The following ADAMTS17 variants were observed in gnomAD, a reference collection of about 807,000 sequenced individuals.
ADAMTS17 encodes A disintegrin and metalloproteinase with thrombospondin motifs 17.
ADAMTS17 carries 113 observed loss-of-function variants against 141.5 expected under a neutral mutation model. The observed-to-expected ratio is 0.80, with a 90% CI of 0.69 to 0.93. The LOEUF is 0.93. ADAMTS17 is among the 40% of genes least tolerant of loss of function. ADAMTS17 has a pLI of 0.00. For synonymous variants in ADAMTS17, 768 were observed against 630.6 expected, an observed-to-expected ratio of 1.22 and a Z score of -3.27; for missense variants, 1,659 against 1,517.9, an observed-to-expected ratio of 1.09 and a Z score of -1.54.
intron 7 of ADAMTS17, among the ~76,000 whole-genome samples, chr15:100,205,635 A>G (rs957153306): frequency 3.3e-5 from 5 of 152,274 alleles, no homozygotes; most frequent in African/African-American, 1.2e-4. Flanking sequence ...AAATGGTCCC[A>G]GGCAGGTTCA....
At chr15:100,134,580 A>G (rs1048914721) in intron 10 of ADAMTS17, among the ~76,000 whole-genome samples, 1 of 152,200 alleles carries the variant, frequency 6.6e-6, no homozygotes, top group Non-Finnish European at 1.5e-5. Context: ...AAGGGTGTCG[A>G]GTTCAGTTTA....
At position 100,109,121 on chromosome 15, in the gene ADAMTS17, G is replaced by A. The variant is rs368437147; in HGVS notation, c.1889-5C>T. 156 of 1,608,930 alleles carry A rather than the reference G, an allele frequency of 9.7e-5. No individual in the cohort carries two copies. The African/African-American group carries it at 1.8e-3, about 18-fold the overall frequency. ...AGTAGAGTTCACATGGCTTATCTGA[G>A]GAGGGAAAGGTTGGAGGACGTTGAC... On this transcript the variant is annotated splice_region_variant and splice_polypyrimidine_tract_variant and intron_variant, in intron 13 of 21. Transcript: ENST00000268070.
At chr15:100,106,944 T>C (rs2036449154) in intron 14 of ADAMTS17, among the ~76,000 whole-genome samples, 1 of 152,188 alleles carries the variant, frequency 6.6e-6, no homozygotes, top group Non-Finnish European at 1.5e-5. Context: ...CACTCATCAC[T>C]GCCTCCCTCC....
rs1215035609 is a variant in ADAMTS17, at chr15:100,262,568, T to G, written c.790-133A>C. 7.8e-6 allele frequency: 5 copies of G among 641,744 alleles called. No homozygotes were observed. The Admixed American group carries it at 1.4e-4, about 18-fold the overall frequency. The allele number at this position is 641,744 out of a possible 1,614,324, so 39.8% of individuals were successfully genotyped here. On this transcript the variant is annotated intron_variant, in intron 4 of 21. Coordinates refer to ENST00000268070, the MANE Select transcript of ADAMTS17 (RefSeq NM_139057.4). ...AAGGAAATAGAAATAAAGCGTAGAC[T>G]TTAGTTTATAACACTGTATCAGTAT...
chr15:100,094,407 G>A (rs774321158), intron 15 of ADAMTS17, among the ~76,000 whole-genome samples: 6 of 152,254 alleles, frequency 3.9e-5, no homozygotes, highest in Non-Finnish European at 8.8e-5. Flanking sequence ...GAGCAGGAGA[G>A]GAGGACATTA....
At chr15:100,275,000 A>C (rs148372760) in intron 4 of ADAMTS17, among the ~76,000 whole-genome samples, 1 of 152,312 alleles carries the variant, frequency 6.6e-6, no homozygotes, top group Admixed American at 6.5e-5. Context: ...GGTTTTTTGA[A>C]AGCAAATAAA....
At chr15:100,031,845 G>A (rs990175472) in intron 18 of ADAMTS17, among the ~76,000 whole-genome samples, 2 of 152,186 alleles carry the variant, frequency 1.3e-5, no homozygotes, top group Non-Finnish European at 2.9e-5. Context: ...AGTACTCACC[G>A]TGTGGCAGCT....
At chr15:100,325,299 A>G (rs903553656) in intron 3 of ADAMTS17, among the ~76,000 whole-genome samples, 1 of 152,214 alleles carries the variant, frequency 6.6e-6, no homozygotes. Context: ...CCTAACCCCC[A>G]GGACCTTAGA....
At chr15:100,325,774 G>T (rs1226018067) in intron 3 of ADAMTS17, among the ~76,000 whole-genome samples, 3 of 152,190 alleles carry the variant, frequency 2.0e-5, no homozygotes, top group African/African-American at 7.2e-5. Context: ...AGACGCTGCA[G>T]AACTCTGAGC....
Position 100,051,690 on chromosome 15 carries a change from T to C in ADAMTS17, c.2337A>G (p.Glu779=), listed in dbSNP as rs1237635616. The change falls in exon 17 of 22, where the codon GAA becomes GAG. Residue 779 remains glutamate (E), a synonymous_variant. Coordinates refer to ENST00000268070, the MANE Select transcript of ADAMTS17 (RefSeq NM_139057.4). ...FHDQDYGIHY[E]YTVPVNRTAE... is the part of the protein sequence containing the mutation. ...CAGTGCGGTTTACAGGAACAGTGTA[T>C]TCATAATGAATTCCATAATCTTGGT... The C allele has an allele frequency of 6.2e-7, 1 of 1,614,234 alleles. No individual in the cohort carries two copies. The highest frequency in any genetic ancestry group is 1.7e-5 in the Admixed American group (1 of 60,030).
intron 18 of ADAMTS17, among the ~76,000 whole-genome samples, chr15:100,015,467 G>A (rs2061270793): frequency 6.6e-6 from 1 of 152,076 alleles, no homozygotes; most frequent in African/African-American, 2.4e-5. Flanking sequence ...GGTCCTGTGT[G>A]ATTTATGCTT....
intron 2 of ADAMTS17, among the ~76,000 whole-genome samples, chr15:100,335,648 T>A (rs945087416): frequency 3.9e-5 from 6 of 152,202 alleles, no homozygotes; most frequent in East Asian, 1.9e-4. Context: ...ACTAGAAAAG[T>A]CTGGGAACAG....
chr15:100,095,008 A>C (rs915993669), intron 15 of ADAMTS17, among the ~76,000 whole-genome samples: 18 of 152,218 alleles, frequency 1.2e-4, no homozygotes, highest in Non-Finnish European at 2.9e-5. Flanking sequence ...CGGAGTACTC[A>C]AAATTTTCCC....
chr15:99,987,529 G>C (rs895583108), intron 20 of ADAMTS17, among the ~76,000 whole-genome samples: 1 of 152,198 alleles, frequency 6.6e-6, no homozygotes, highest in Non-Finnish European at 1.5e-5. Flanking sequence ...TGGGTGACTG[G>C]TTTAAAAAGG....
intron 17 of ADAMTS17, among the ~76,000 whole-genome samples, chr15:100,049,578 A>G (rs1177055484): frequency 6.6e-6 from 1 of 152,202 alleles, no homozygotes; most frequent in African/African-American, 2.4e-5. Flanking sequence ...CTAATTCATT[A>G]TCCCAAATAG....
chr15:100,212,829 T>C (rs965113067), intron 7 of ADAMTS17, among the ~76,000 whole-genome samples: 2 of 146,830 alleles, frequency 1.4e-5, no homozygotes, highest in African/African-American at 5.1e-5. Context: ...CCAAATTGAC[T>C]CTTTATTATG....
At position 100,198,684 on chromosome 15, in the gene ADAMTS17, G is replaced by A. The variant is rs564905950; in HGVS notation, c.1181+634C>T. The stretch of plus-strand genomic sequence containing the variant: ...TTTGAGCGTCGTCTGGCTTTCTGCC[G>A]CTTGAGGCTTCCTACAGATGGTCAC... On this transcript the variant is annotated intron_variant, in intron 8 of 21. Coordinates refer to ENST00000268070, the MANE Select transcript of ADAMTS17 (RefSeq NM_139057.4). 2.0e-3 allele frequency among the ~76,000 whole-genome samples: 308 copies of A among 152,304 alleles called. 1 individual carries two copies. The highest frequency in any genetic ancestry group is 3.3e-3 in the Admixed American group (50 of 15,310).
At position 99,993,048 on chromosome 15, in the gene ADAMTS17, C is replaced by G; in HGVS notation, c.2949G>C (p.Thr983=). 1 of 1,614,144 alleles carries G rather than the reference C, an allele frequency of 6.2e-7. No individual in the cohort carries two copies. Residue 983 remains threonine (T), a splice_region_variant and synonymous_variant, in exon 20 of 22, where the codon ACG becomes ACC. Transcript: ENST00000268070. This position sits in a 1 kb window ranked among gnomAD's most constrained non-coding sequence, Gnocchi z 4.3. ...AGAAATGCCAGCAGGCTGCTCTCAC[C>G]GTAGACCAGTCCCCAGTTTTCCACT... ...CYEWKTGDWS[T]CSSTCGKGLQ...
Position 100,114,235 on chromosome 15 carries a change from G to A in ADAMTS17, c.1888+2612C>T, listed in dbSNP as rs187802250. 1.9e-3 allele frequency among the ~76,000 whole-genome samples: 285 copies of A among 150,320 alleles called. 1 individual carries two copies. Among genetic ancestry groups the A allele is most frequent in the Non-Finnish European group, 3.1e-3 (213 of 67,834 alleles). On this transcript the variant is annotated intron_variant, in intron 13 of 21. Coordinates refer to ENST00000268070, the MANE Select transcript of ADAMTS17 (RefSeq NM_139057.4). ...CAGCTTCCCTTCTTTTGAACTGTGC[G>A]TCACTCGCCAAAGAATTCCGCAGCG...
Sources: allele counts gnomAD v4.1 joint callset (sites outside exome capture counted in the v4.1 genomes callset), GRCh38; gene constraint gnomAD v4.1.1; non-coding constraint Gnocchi (gnomAD v3.1); transcripts MANE v1.5; gene names NCBI Gene and HGNC (gene_info 2026-07-23, HGNC 2026-07-21).